CEP68: variants seen among roughly 807,000 people sequenced by gnomAD.
CEP68 encodes the protein centrosomal protein of 68 kDa.
Under a neutral mutation model 55.3 loss-of-function variants are expected in CEP68, and 26 were observed. The ratio of observed to expected loss-of-function variants is 0.47; its 90% CI spans 0.34 to 0.65. The LOEUF is 0.65. Among genes scored for constraint, CEP68 ranks in the 30% least tolerant of loss-of-function variants. The pLI, the probability that CEP68 is intolerant of heterozygous loss-of-function variation, is 0.01. For synonymous variants in CEP68, 402 were observed against 383.2 expected, an observed-to-expected ratio of 1.05 and a Z score of -0.57; for missense variants, 957 against 946.7, an observed-to-expected ratio of 1.01 and a Z score of -0.14.
Position 65,072,990 on chromosome 2 carries a change from C to G in CEP68, c.1884+10C>G, listed in dbSNP as rs1676571346. On this transcript the variant is annotated intron_variant, in intron 3 of 6. Transcript: ENST00000377990. ...GGTGCAATGTGTGAAGGTAATGACA[C>G]TCAACGTTAGGAAGCTTTGTGTACA... is the stretch of plus-strand genomic sequence containing the variant. 6.2e-7 allele frequency: 1 copy of G among 1,613,932 alleles called. No individual in the cohort carries two copies. The highest frequency in any genetic ancestry group is 8.5e-7 in the Non-Finnish European group (1 of 1,179,924).
chr2:65,062,197 C>A (rs1187402194), intron 1 of CEP68, among the ~76,000 whole-genome samples: 1 of 152,156 alleles, frequency 6.6e-6, no homozygotes, highest in Non-Finnish European at 1.5e-5. Context: ...GCTCCCTGGG[C>A]AAAGTTGGTA....
At position 65,074,310 on chromosome 2, in the gene CEP68, T is replaced by C; in HGVS notation, c.1913T>C (p.Ile638Thr). The stretch of plus-strand genomic sequence containing the variant: ...TTTTGCTGTCAGCTGGAAGAGCTGA[T>C]CTGCTGGCTGTATAATGTTGCAGAT... ...KTFCCQLEEL[I>T]CWLYNVADVT... Residue 638 changes from isoleucine (I) to threonine (T), a missense_variant, in exon 4 of 7, where the codon ATC (isoleucine) becomes ACC (threonine). By Grantham distance (89) the Ile-to-Thr change is moderately conservative. Transcript: ENST00000377990. 6.2e-7 allele frequency: 1 copy of C among 1,614,224 alleles called. No individual in the cohort carries two copies. The highest frequency in any genetic ancestry group is 1.3e-5 in the African/African-American group (1 of 75,064).
chr2:65,067,982 G>A (rs980874707), intron 1 of CEP68, among the ~76,000 whole-genome samples: 8 of 152,228 alleles, frequency 5.3e-5, no homozygotes, highest in South Asian at 2.1e-4. Flanking sequence ...ATTTCCCAGC[G>A]TGTGAGCTGA....
chr2:65,065,155 C>T (rs566608753), intron 1 of CEP68, among the ~76,000 whole-genome samples: 17 of 152,342 alleles, frequency 1.1e-4, no homozygotes, highest in African/African-American at 3.1e-4. Flanking sequence ...CTCACATGTG[C>T]TGGTGGAGTG....
chr2:65,082,737 T>A (rs772615344), intron 6 of CEP68, 28 bp downstream of exon 6: 2 of 1,514,648 alleles, frequency 1.3e-6, no homozygotes, highest in Middle Eastern at 2.5e-4. Context: ...AAAAGAAAAT[T>A]TGCCCACCAA....
At chr2:65,058,280 A>T (rs1675743556) in intron 1 of CEP68, among the ~76,000 whole-genome samples, 1 of 151,780 alleles carries the variant, frequency 6.6e-6, no homozygotes, top group Non-Finnish European at 1.5e-5. Flanking sequence ...ATCTCAACTC[A>T]CTGTGGCCTC....
chr2:65,064,396 A>G (rs909240531), intron 1 of CEP68, among the ~76,000 whole-genome samples: 3 of 152,120 alleles, frequency 2.0e-5, no homozygotes, highest in African/African-American at 7.2e-5. Flanking sequence ...CGCACCCTTT[A>G]GTGAGAGGTG....
intron 3 of CEP68, chr2:65,073,848 A>AT (rs1313288339): frequency 5.6e-6 from 1 of 179,626 alleles, no homozygotes; most frequent in Non-Finnish European, 1.2e-5. Context: ...CTGATAAAAG[A>AT]TTGAGATGCC....
At chr2:65,076,206 A>T (rs894708004) in intron 4 of CEP68, among the ~76,000 whole-genome samples, 2 of 152,168 alleles carry the variant, frequency 1.3e-5, no homozygotes, top group African/African-American at 4.8e-5. Flanking sequence ...GCAGCTGTGC[A>T]GGGCCCAGGA....
chr2:65,069,279 A>AC, intron 1 of CEP68, 120 bp from the exon 2 acceptor site: 1 of 586,030 alleles, frequency 1.7e-6, no homozygotes, highest in Non-Finnish European at 3.0e-6. Flanking sequence ...GGAAGTAGTC[A>AC]CCATTTGTTT....
At chr2:65,076,008 C>A (rs1676740714) in intron 4 of CEP68, among the ~76,000 whole-genome samples, 1 of 151,728 alleles carries the variant, frequency 6.6e-6, no homozygotes, top group Non-Finnish European at 1.5e-5. Flanking sequence ...AGCTGCTCCA[C>A]CCTACTGGGA....
At chr2:65,068,565 C>T (rs976989920) in intron 1 of CEP68, among the ~76,000 whole-genome samples, 5 of 152,234 alleles carry the variant, frequency 3.3e-5, no homozygotes, top group Non-Finnish European at 7.3e-5. Context: ...ACTGGCCATC[C>T]TTGGAACAAG....
At position 65,086,708 on chromosome 2, in the gene CEP68, G is replaced by C. The variant is rs1007498753; in HGVS notation, c.*3074G>C. ...TTAGCTACTTTAGAAAATAGTTTCTGAACTCTTTCCCCCTTTATACTGTAT... is the reference window on the plus strand; with the variant it reads ...TTAGCTACTTTAGAAAATAGTTTCTCAACTCTTTCCCCCTTTATACTGTAT... On this transcript the variant is annotated 3_prime_UTR_variant, in exon 7 of 7. Transcript: ENST00000377990. The C allele has an allele frequency of 6.6e-6, 1 of 152,482 alleles. No homozygotes were observed. The highest frequency in any genetic ancestry group is 1.5e-5 in the Non-Finnish European group (1 of 68,026). The allele number at this position is 152,482 out of a possible 1,614,324, so 9.4% of individuals were successfully genotyped here.
chr2:65,064,197 G>A (rs1676043093), intron 1 of CEP68, among the ~76,000 whole-genome samples: 2 of 152,100 alleles, frequency 1.3e-5, no homozygotes, highest in Admixed American at 1.3e-4. Context: ...AGTTACTTAG[G>A]GATGTCAACT....
In CEP68 at chr2:65,072,081, C is replaced by G; in HGVS notation, c.985C>G (p.Leu329Val). ...LDSRVPADPV[L>V]QDSGVDLDSF... is the part of the protein sequence containing the mutation. ...TAGCCGTGTGCCAGCTGACCCTGTC[C>G]TGCAGGACTCCGGGGTAGACCTGGA... The change falls in exon 3 of 7, where the codon CTG (leucine) becomes GTG (valine). Residue 329 changes from leucine (L) to valine (V), a missense_variant. Leu to Val is a conservative substitution (Grantham distance 32). Coordinates refer to ENST00000377990, the MANE Select transcript of CEP68 (RefSeq NM_015147.3). The G allele has an allele frequency of 6.2e-7, 1 of 1,614,068 alleles. No individual in the cohort carries two copies. The highest frequency in any genetic ancestry group is 1.3e-5 in the African/African-American group (1 of 75,022).
At chr2:65,073,030 T>TC (rs779356715) in intron 3 of CEP68, 50 bp downstream of exon 3, 2 of 1,585,906 alleles carry the variant, frequency 1.3e-6, no homozygotes, top group East Asian at 4.5e-5. Context: ...TCTTGTCTCT[T>TC]CCCCCAATCC....
intron 3 of CEP68, chr2:65,073,186 GAGGTT>G (rs1414630056): frequency 5.9e-6 from 4 of 675,642 alleles, no homozygotes; most frequent in Non-Finnish European, 8.0e-6. Flanking sequence ...AGAGCAGAGA[GAGGTT>G]AGGTAACGTG....
chr2:65,056,933 G>A (rs1015461096), intron 1 of CEP68, among the ~76,000 whole-genome samples: 4 of 152,242 alleles, frequency 2.6e-5, no homozygotes, highest in African/African-American at 9.6e-5. Flanking sequence ...TCCCGGGCGT[G>A]GGCTGTTTAC....
At chr2:65,060,098 GA>G (rs955868356) in intron 1 of CEP68, among the ~76,000 whole-genome samples, 4 of 149,872 alleles carry the variant, frequency 2.7e-5, no homozygotes, top group East Asian at 1.9e-4. Context: ...CACATGGAGT[GA>G]AAAAAAAATA....
Sources: allele counts gnomAD v4.1 joint callset (sites outside exome capture counted in the v4.1 genomes callset), GRCh38; gene constraint gnomAD v4.1.1; transcripts MANE v1.5; gene names NCBI Gene and HGNC (gene_info 2026-07-23, HGNC 2026-07-21).